RGPD2: variants seen among roughly 807,000 people sequenced by gnomAD.
RGPD2 encodes RANBP2-like and GRIP domain-containing protein 2.
In RGPD2, 2 loss-of-function variants were observed where a neutral mutation model predicts 36.0. The observed-to-expected ratio is 0.06, with a 90% confidence interval of 0.02 to 0.17. RGPD2 has a LOEUF of 0.17. Ranked by LOEUF, RGPD2 falls within the 10% of genes least tolerant of loss-of-function variation. RGPD2 has a pLI of 1.00. For synonymous variants in RGPD2, 19 were observed against 163.8 expected (o/e 0.12, Z 6.75); for missense variants, 40 against 464.3 (o/e 0.09, Z 8.40).
chr2:87,826,926 CGAAGT>C (rs1428695474), upstream of RGPD2, among the ~76,000 whole-genome samples: 1 of 122,974 alleles, frequency 8.1e-6, no homozygotes, highest in East Asian at 2.3e-4. Flanking sequence ...TAAAGTCCCA[CGAAGT>C]GTTCATTCTA....
At chr2:87,805,678 T>C (rs1348451221) in intron 7 of RGPD2, among the ~76,000 whole-genome samples, 3 of 152,072 alleles carry the variant, frequency 2.0e-5, no homozygotes, top group Non-Finnish European at 4.4e-5. Flanking sequence ...GCTAACACGG[T>C]GAAACCCCGT....
the RGPD2 span, among the ~76,000 whole-genome samples, chr2:87,874,976 A>G: frequency 2.0e-5 from 3 of 152,096 alleles, no homozygotes; most frequent in Admixed American, 2.0e-4. Context: ...GCAATTGTGA[A>G]TGAGAGTTCA....
At chr2:87,845,693 C>T in the RGPD2 span, among the ~76,000 whole-genome samples, 4 of 151,690 alleles carry the variant, frequency 2.6e-5, no homozygotes, top group African/African-American at 9.7e-5. Context: ...AGAGTTTATA[C>T]AGCATATTAA....
chr2:87,941,173 T>C, the RGPD2 span, among the ~76,000 whole-genome samples: 1 of 150,698 alleles, frequency 6.6e-6, no homozygotes, highest in Non-Finnish European at 1.5e-5. Flanking sequence ...AAAATAAAAT[T>C]AGATTGTGCA....
At chr2:87,894,652 A>G in the RGPD2 span, among the ~76,000 whole-genome samples, 2 of 151,844 alleles carry the variant, frequency 1.3e-5, no homozygotes, top group Non-Finnish European at 2.9e-5. Context: ...AGTGACCAGA[A>G]TATGCTTTGC....
chr2:87,825,271 A>G (rs1220022492), intron 1 of RGPD2: 2 of 383,844 alleles, frequency 5.2e-6, no homozygotes, highest in African/African-American at 2.1e-5. Flanking sequence ...CTCAAAACAA[A>G]TGATAGCCAT....
At chr2:87,830,915 G>A in the RGPD2 span, among the ~76,000 whole-genome samples, 1 of 152,106 alleles carries the variant, frequency 6.6e-6, no homozygotes, top group African/African-American at 2.4e-5. Context: ...TTGAAGATGA[G>A]AATTGGAGTG....
At chr2:87,875,763 G>A in the RGPD2 span, among the ~76,000 whole-genome samples, 3 of 152,256 alleles carry the variant, frequency 2.0e-5, no homozygotes, top group Non-Finnish European at 4.4e-5. Context: ...TCCCTCAATT[G>A]TTTGCAATAG....
At chr2:87,877,441 TA>T in the RGPD2 span, among the ~76,000 whole-genome samples, 1 of 152,274 alleles carries the variant, frequency 6.6e-6, no homozygotes, top group Admixed American at 6.5e-5. Flanking sequence ...AAAAGGAGCT[TA>T]TTTCTCCTTC....
chr2:87,873,977 G>C, the RGPD2 span, among the ~76,000 whole-genome samples: 1 of 152,054 alleles, frequency 6.6e-6, no homozygotes, highest in Admixed American at 6.6e-5. Flanking sequence ...TATCTCTAAT[G>C]ATCAATGATG....
intron 1 of RGPD2, among the ~76,000 whole-genome samples, 176 bp downstream of exon 1, chr2:87,825,482 C>A (rs1361010901): frequency 8.7e-6 from 1 of 115,382 alleles, no homozygotes; most frequent in African/African-American, 3.2e-5. Context: ...GCCGTCGCCG[C>A]CGCCGCCGCC....
the RGPD2 span, among the ~76,000 whole-genome samples, chr2:87,884,588 C>T: frequency 1.3e-5 from 2 of 151,452 alleles, no homozygotes; most frequent in Non-Finnish European, 3.0e-5. Flanking sequence ...AAATAAATAA[C>T]ATCATAAATG....
chr2:87,824,208 G>A (rs893746727), intron 1 of RGPD2, among the ~76,000 whole-genome samples: 5 of 150,890 alleles, frequency 3.3e-5, no homozygotes, highest in African/African-American at 1.2e-4. Flanking sequence ...TTTTAATAGA[G>A]ACGGATTTTC....
chr2:87,937,893 A>G, the RGPD2 span, among the ~76,000 whole-genome samples: 4 of 152,002 alleles, frequency 2.6e-5, no homozygotes, highest in Admixed American at 2.0e-4. Flanking sequence ...ATTAAGAAAT[A>G]CAATTTTTGA....
the RGPD2 span, among the ~76,000 whole-genome samples, chr2:87,952,120 T>C: frequency 2.0e-5 from 3 of 152,302 alleles, no homozygotes; most frequent in African/African-American, 7.2e-5. Context: ...TTGAAAATTA[T>C]AGAAACTAAT....
the RGPD2 span, among the ~76,000 whole-genome samples, chr2:87,875,920 A>G: frequency 2.1e-4 from 32 of 152,066 alleles, no homozygotes; most frequent in Non-Finnish European, 4.0e-4. Flanking sequence ...CAGTGACTCA[A>G]TTTCTTCCTG....
chr2:87,887,141 C>T, the RGPD2 span, among the ~76,000 whole-genome samples: 1 of 151,316 alleles, frequency 6.6e-6, no homozygotes, highest in African/African-American at 2.4e-5. Context: ...GTTAGTTTTC[C>T]AAGCAAAAGG....
At chr2:87,879,094 A>G in the RGPD2 span, among the ~76,000 whole-genome samples, 1 of 152,216 alleles carries the variant, frequency 6.6e-6, no homozygotes, top group Non-Finnish European at 1.5e-5. Flanking sequence ...GGGTATATAC[A>G]TAGTAGTGGA....
intron 20 of RGPD2, chr2:87,781,247 AAAG>A (rs1685383688): frequency 7.9e-6 from 1 of 126,286 alleles, no homozygotes; most frequent in Non-Finnish European, 1.4e-5. Context: ...CCTAGAAAAT[AAAG>A]AATATTTCAT....
Sources: allele counts gnomAD v4.1 joint callset (sites outside exome capture counted in the v4.1 genomes callset), GRCh38; gene constraint gnomAD v4.1.1; transcripts MANE v1.5; gene names NCBI Gene and HGNC (gene_info 2026-07-23, HGNC 2026-07-21).